Variants in IL1RAPL1 observed in about 807,000 individuals in gnomAD.
The protein encoded by IL1RAPL1 is interleukin-1 receptor accessory protein-like 1.
In IL1RAPL1, 3 loss-of-function variants were observed where a neutral mutation model predicts 48.4. That is an observed-to-expected ratio of 0.06 (90% CI 0.03 to 0.16). IL1RAPL1 has a LOEUF of 0.16. IL1RAPL1 is among the 10% of genes least tolerant of loss of function. The pLI, the probability that IL1RAPL1 is intolerant of heterozygous loss-of-function variation, is 1.00. For synonymous variants in IL1RAPL1, 185 were observed against 187.7 expected, an observed-to-expected ratio of 0.99 and a Z score of 0.12; for missense variants, 349 against 530.6, an observed-to-expected ratio of 0.66 and a Z score of 3.36.
At chrX:29,330,571 G>T (rs1046929893) in intron 3 of IL1RAPL1, among the ~76,000 whole-genome samples, 7 of 80,293 alleles carry the variant, frequency 8.7e-5, no homozygotes, top group African/African-American at 2.5e-4. Flanking sequence ...GGCTGGTTAA[G>T]TGTTCTTTCT....
chrX:28,644,996 C>T (rs7877713), intron 1 of IL1RAPL1, among the ~76,000 whole-genome samples: 2,645 of 110,495 alleles, frequency 0.024, 74 homozygotes, highest in African/African-American at 0.079. Context: ...CTAAGAAGAA[C>T]GGTAAGACAT....
chrX:29,204,369 C>G (rs1429488518), intron 2 of IL1RAPL1, among the ~76,000 whole-genome samples: 1 of 111,876 alleles, frequency 8.9e-6, no homozygotes, highest in African/African-American at 3.2e-5. Flanking sequence ...TCCGCACATC[C>G]TTGCCACCAT....
intron 1 of IL1RAPL1, among the ~76,000 whole-genome samples, chrX:28,605,684 G>A (rs1934075892): frequency 1.8e-5 from 2 of 111,955 alleles, no homozygotes; most frequent in African/African-American, 3.2e-5. Flanking sequence ...CCCTGCAAAG[G>A]TTGCTGATTT....
intron 6 of IL1RAPL1, among the ~76,000 whole-genome samples, chrX:29,779,825 A>G (rs775335027): frequency 1.3e-4 from 15 of 111,357 alleles, no homozygotes; most frequent in Non-Finnish European, 2.1e-4. Context: ...ACATATATTA[A>G]TTTTATTATA....
At chrX:29,774,140 AC>A (rs765298826) in intron 6 of IL1RAPL1, among the ~76,000 whole-genome samples, 18 of 95,654 alleles carry the variant, frequency 1.9e-4, no homozygotes, top group Middle Eastern at 5.3e-3. Context: ...CCTCTCCGCC[AC>A]CCCCCTCCCC....
intron 2 of IL1RAPL1, among the ~76,000 whole-genome samples, chrX:29,248,583 T>C (rs1041743749): frequency 2.3e-4 from 26 of 112,278 alleles, no homozygotes; most frequent in African/African-American, 8.1e-4. Context: ...CTTTGAAATA[T>C]ATGAAAATAT....
At chrX:29,362,955 T>C in intron 3 of IL1RAPL1, among the ~76,000 whole-genome samples, 1 of 111,791 alleles carries the variant, frequency 8.9e-6, no homozygotes, top group Non-Finnish European at 1.9e-5. Context: ...ATAACAAGTG[T>C]GTGGAAAAAG....
At chrX:28,902,206 C>T (rs774222416) in intron 2 of IL1RAPL1, among the ~76,000 whole-genome samples, 3 of 105,859 alleles carry the variant, frequency 2.8e-5, no homozygotes, top group Admixed American at 1.0e-4. Flanking sequence ...CAGTTTGGTT[C>T]TGTTGCCCAG....
intron 2 of IL1RAPL1, among the ~76,000 whole-genome samples, chrX:28,850,229 T>G (rs1196531546): frequency 8.9e-6 from 1 of 111,793 alleles, no homozygotes; most frequent in Non-Finnish European, 1.9e-5. Context: ...AATATGCCTA[T>G]AAAAGCATAG....
intron 5 of IL1RAPL1, among the ~76,000 whole-genome samples, chrX:29,614,963 CAA>C (rs377465356): frequency 0.087 from 5,820 of 67,205 alleles, 164 homozygotes; most frequent in Middle Eastern, 0.29. Flanking sequence ...GACTCCGTCT[CAA>C]AAAAAAAAAA....
intron 5 of IL1RAPL1, among the ~76,000 whole-genome samples, chrX:29,591,554 C>T (rs894627838): frequency 8.9e-6 from 1 of 112,072 alleles, no homozygotes; most frequent in African/African-American, 3.2e-5. Flanking sequence ...TCCCTCTGCC[C>T]TTGTCTTCTT....
At chrX:28,787,244 C>T (rs1174545569) in intron 1 of IL1RAPL1, among the ~76,000 whole-genome samples, 2 of 111,992 alleles carry the variant, frequency 1.8e-5, no homozygotes, top group Admixed American at 9.5e-5. Context: ...AAAGGTCTTG[C>T]AGTGTATAGT....
At chrX:29,267,383 T>G (rs1931972173) in intron 2 of IL1RAPL1, among the ~76,000 whole-genome samples, 1 of 112,389 alleles carries the variant, frequency 8.9e-6, no homozygotes, top group African/African-American at 3.2e-5. Context: ...GATACCATTT[T>G]GTTGTATAGT....
chrX:29,268,759 A>T (rs1411847265), intron 2 of IL1RAPL1, among the ~76,000 whole-genome samples: 2 of 112,377 alleles, frequency 1.8e-5, no homozygotes, highest in Non-Finnish European at 1.9e-5. Context: ...ATCTCAGCCC[A>T]GCTAGAACAG....
chrX:29,623,827 GA>G (rs937036228), intron 5 of IL1RAPL1, among the ~76,000 whole-genome samples: 1 of 111,590 alleles, frequency 9.0e-6, no homozygotes, highest in Non-Finnish European at 1.9e-5. Flanking sequence ...CCTGTGAACT[GA>G]AAAAACTGCT....
chrX:28,609,313 C>T (rs1017035594), intron 1 of IL1RAPL1, among the ~76,000 whole-genome samples: 3 of 111,173 alleles, frequency 2.7e-5, no homozygotes, highest in African/African-American at 9.8e-5. Context: ...CTTTCTAACT[C>T]TCCAAGTTCC....
At chrX:28,881,447 T>G (rs1051747172) in intron 2 of IL1RAPL1, among the ~76,000 whole-genome samples, 2 of 111,550 alleles carry the variant, frequency 1.8e-5, no homozygotes, top group Non-Finnish European at 3.8e-5. Context: ...AGAATCTTGT[T>G]TGGTAGGGTT....
intron 5 of IL1RAPL1, among the ~76,000 whole-genome samples, chrX:29,562,783 G>A (rs764183215): frequency 1.8e-5 from 2 of 111,901 alleles, no homozygotes; most frequent in Non-Finnish European, 3.8e-5. Context: ...AAACTTTGTG[G>A]TGTTACATAA....
At chrX:28,958,487 T>A in intron 2 of IL1RAPL1, among the ~76,000 whole-genome samples, 1 of 111,771 alleles carries the variant, frequency 8.9e-6, no homozygotes, top group East Asian at 2.8e-4. Flanking sequence ...TGCATGCAAA[T>A]CCATACTGGG....
Sources: allele counts gnomAD v4.1 joint callset (sites outside exome capture counted in the v4.1 genomes callset), GRCh38; gene constraint gnomAD v4.1.1; transcripts MANE v1.5; gene names NCBI Gene and HGNC (gene_info 2026-07-23, HGNC 2026-07-21).